Variants in ZC3HC1 observed in about 807,000 individuals in gnomAD.
ZC3HC1 encodes zinc finger C3HC-type containing 1, also known as zinc finger C3HC-type protein 1.
In ZC3HC1, 38 loss-of-function variants were observed where a neutral mutation model predicts 61.9. That is an observed-to-expected ratio of 0.61 (90% CI 0.47 to 0.81). ZC3HC1 has a LOEUF of 0.81. ZC3HC1 is among the 30% of genes least tolerant of loss of function. The pLI is 0.00. For synonymous variants in ZC3HC1, 213 were observed against 229.9 expected (o/e 0.93, Z 0.67); for missense variants, 554 against 622.7 (o/e 0.89, Z 1.17).
At chr7:130,026,108 G>C in intron 6 of ZC3HC1, 50 bp downstream of exon 6, 1 of 1,584,842 alleles carries the variant, frequency 6.3e-7, no homozygotes, top group Non-Finnish European at 8.6e-7. Context: ...ATATATGGGT[G>C]TAATGCTGTT....
chr7:130,036,872 C>T (rs1442952470), intron 4 of ZC3HC1: 2 of 152,152 alleles, frequency 1.3e-5, no homozygotes, highest in African/African-American at 2.4e-5. Context: ...CTGGCTAGGA[C>T]AACTGGATGG....
intron 4 of ZC3HC1, among the ~76,000 whole-genome samples, chr7:130,038,815 G>A (rs941948915): frequency 6.9e-6 from 1 of 144,330 alleles, no homozygotes; most frequent in Non-Finnish European, 1.5e-5. Flanking sequence ...AGTTGAGATC[G>A]TGCCACCTCA....
At chr7:130,025,717 A>G (rs1413143867) in intron 6 of ZC3HC1, among the ~76,000 whole-genome samples, 1 of 151,678 alleles carries the variant, frequency 6.6e-6, no homozygotes, top group African/African-American at 2.4e-5. Context: ...AAATACAAAA[A>G]ATTAGCTGGG....
chr7:130,024,894 CTTTTTTTTTTTTTTTTT>C (rs544256735), intron 6 of ZC3HC1, among the ~76,000 whole-genome samples: 2 of 37,056 alleles, frequency 5.4e-5, no homozygotes. Context: ...TCCTGTCCCT[CTTTTTTTTTTTTTTTTT>C]TTTTTTTTTT....
At chr7:130,024,556 T>G in intron 6 of ZC3HC1, 50 bp from the exon 7 acceptor site, 1 of 1,562,238 alleles carries the variant, frequency 6.4e-7, no homozygotes, top group Non-Finnish European at 8.7e-7. Flanking sequence ...CATTTCCAAA[T>G]GACTAAGTGC....
chr7:130,040,946 C>T lies in ZC3HC1; in HGVS notation c.409+5G>A, dbSNP rs746534882. On this transcript the variant is annotated splice_donor_5th_base_variant and intron_variant, in intron 3 of 9. Coordinates refer to ENST00000358303, the MANE Select transcript of ZC3HC1 (RefSeq NM_016478.5). The stretch of plus-strand genomic sequence containing the variant: ...AGAAAAATGTAATTTGTACCTTATA[C>T]TTACATCTGTCAAAGTCAAAAGCTG... 3 of 1,609,076 alleles carry T rather than the reference C, an allele frequency of 1.9e-6. No individual in the cohort carries two copies. Among genetic ancestry groups the T allele is most frequent in the Admixed American group, 3.4e-5 (2 of 58,616 alleles).
intron 6 of ZC3HC1, among the ~76,000 whole-genome samples, chr7:130,025,088 T>A (rs1793839184): frequency 6.7e-6 from 1 of 150,364 alleles, no homozygotes. Context: ...GTACTTTTGG[T>A]AGAGATGGGG....
intron 4 of ZC3HC1, among the ~76,000 whole-genome samples, chr7:130,033,292 C>T (rs1231049543): frequency 6.6e-6 from 1 of 152,032 alleles, no homozygotes; most frequent in Non-Finnish European, 1.5e-5. Flanking sequence ...CTTCAGCCTC[C>T]GAAAGTGCTG....
intron 9 of ZC3HC1, among the ~76,000 whole-genome samples, chr7:130,020,286 T>C (rs1435785496): frequency 1.3e-5 from 2 of 151,568 alleles, no homozygotes. Flanking sequence ...TTTTTTTTTT[T>C]TTTTGAAAGG....
chr7:130,022,324 A>T lies in ZC3HC1; in HGVS notation c.1435T>A (p.Ser479Thr). 6.2e-7 allele frequency: 1 copy of T among 1,614,146 alleles called. No homozygotes were observed. The highest frequency in any genetic ancestry group is 8.5e-7 in the Non-Finnish European group (1 of 1,180,036). The change falls in exon 9 of 10, where the codon TCC (serine) becomes ACC (threonine). Residue 479 changes from serine to threonine, a missense_variant. Physicochemically the swap from Ser to Thr is moderately conservative, Grantham distance 58. Coordinates refer to ENST00000358303, the MANE Select transcript of ZC3HC1 (RefSeq NM_016478.5). ...KQSSQPAETDSMSLSEKSRKV... is the reference protein window; with the variant it reads ...KQSSQPAETDTMSLSEKSRKV... Reference sequence around the variant, plus strand: ...AAGGCAGTGGCGTATCTCACCATGGAGTCCGTTTCAGCTGGCTGGCTAGAC... The same window carrying T: ...AAGGCAGTGGCGTATCTCACCATGGTGTCCGTTTCAGCTGGCTGGCTAGAC...
intron 2 of ZC3HC1, among the ~76,000 whole-genome samples, chr7:130,048,151 T>G (rs920508732): frequency 2.1e-5 from 3 of 144,314 alleles, no homozygotes; most frequent in South Asian, 2.3e-4. Context: ...TTGTTTTTTT[T>G]TTTTTTTTTT....
At chr7:130,026,490 G>T in intron 5 of ZC3HC1, 178 bp from the exon 6 acceptor site, 1 of 562,558 alleles carries the variant, frequency 1.8e-6, no homozygotes, top group Non-Finnish European at 2.9e-6. Context: ...TCACACAGAA[G>T]CTTTCTGAAT....
Position 130,028,970 on chromosome 7 carries a change from G to A in ZC3HC1, c.553C>T (p.Arg185Cys), listed in dbSNP as rs143076145. ...PAILVSEFLDRFQSLCHLDLQ... is the reference protein window; with the variant it reads ...PAILVSEFLDCFQSLCHLDLQ... ...TCCAAGTGACAAAGGCTTTGAAAAC[G>A]ATCTAGGAATTCACTAACAAGAATA... Residue 185 changes from arginine to cysteine, a missense_variant, in exon 5 of 10, where the codon CGT (arginine) becomes TGT (cysteine). Physicochemically the swap from Arg to Cys is radical, Grantham distance 180 (BLOSUM62 -3). Coordinates refer to ENST00000358303, the MANE Select transcript of ZC3HC1 (RefSeq NM_016478.5). The A allele has an allele frequency of 2.5e-6, 4 of 1,613,674 alleles. No homozygotes were observed. Among genetic ancestry groups the A allele is most frequent in the Non-Finnish European group, 3.4e-6 (4 of 1,179,804 alleles).
chr7:130,039,328 G>T, intron 4 of ZC3HC1, 136 bp downstream of exon 4: 1 of 742,340 alleles, frequency 1.3e-6, no homozygotes, highest in Non-Finnish European at 2.2e-6. Context: ...TGGGCAACAA[G>T]AGTGAAACTC....
chr7:130,039,571 A>G, intron 3 of ZC3HC1, 24 bp from the exon 4 acceptor site: 1 of 1,582,626 alleles, frequency 6.3e-7, no homozygotes, highest in Non-Finnish European at 8.6e-7. Flanking sequence ...AAACAGCAAC[A>G]CCTTAAAAAA....
rs1198791988 is a variant in ZC3HC1, at chr7:130,049,035, A to G, written c.256T>C (p.Ser86Pro). 1 of 1,596,074 alleles carries G rather than the reference A, an allele frequency of 6.3e-7. No homozygotes were observed. Among genetic ancestry groups the G allele is most frequent in the Admixed American group, 1.8e-5 (1 of 56,756 alleles). The change falls in exon 2 of 10, where the codon TCT (serine) becomes CCT (proline). Residue 86 changes from serine to proline, a missense_variant and splice_region_variant. Transcript: ENST00000358303. The part of the protein sequence containing the change: ...EAFFSRVETF[S>P]SLKWAGKPFE... ...TCACATGAACTAAAAAAGGATATAG[A>G]AAATGTTTCCACTCTGCTAAAGAAG...
At chr7:130,049,885 G>C (rs1795009209) in intron 1 of ZC3HC1, among the ~76,000 whole-genome samples, 1 of 148,888 alleles carries the variant, frequency 6.7e-6, no homozygotes, top group Non-Finnish European at 1.5e-5. Context: ...AAACAATTTT[G>C]ATATTTCTAC....
At chr7:130,032,666 A>AAAGGAAGG (rs1247487021) in intron 4 of ZC3HC1, among the ~76,000 whole-genome samples, 1 of 88,224 alleles carries the variant, frequency 1.1e-5, no homozygotes, top group Non-Finnish European at 2.4e-5. Flanking sequence ...TGATAGAAGA[A>AAAGGAAGG]ATGGAAGGAA....
At chr7:130,024,664 C>T (rs990795294) in intron 6 of ZC3HC1, among the ~76,000 whole-genome samples, 158 bp from the exon 7 acceptor site, 16 of 152,250 alleles carry the variant, frequency 1.1e-4, no homozygotes, top group African/African-American at 3.4e-4. Flanking sequence ...CAGCTTCATA[C>T]TTCATCATCT....
Sources: allele counts gnomAD v4.1 joint callset (sites outside exome capture counted in the v4.1 genomes callset), GRCh38; gene constraint gnomAD v4.1.1; transcripts MANE v1.5; gene names NCBI Gene and HGNC (gene_info 2026-07-23, HGNC 2026-07-21).